The following KCNMB2 variants were observed in gnomAD, a reference collection of about 807,000 sequenced individuals.
KCNMB2 encodes the protein calcium-activated potassium channel subunit beta-2.
In KCNMB2, 9 loss-of-function variants were observed where a neutral mutation model predicts 24.5. The ratio of observed to expected loss-of-function variants is 0.37; its 90% CI spans 0.22 to 0.64. The LOEUF (loss-of-function observed/expected upper bound fraction) is 0.64. Ranked by LOEUF, KCNMB2 falls within the 30% of genes least tolerant of loss-of-function variation. The probability of loss-of-function intolerance (pLI) is 0.63; values close to 1 mark genes in which losing one functional copy is unlikely to be tolerated. For missense variants in KCNMB2, 226 were observed against 284.3 expected, an observed-to-expected ratio of 0.79 and a Z score of 1.47; for synonymous variants, 109 against 104.4, an observed-to-expected ratio of 1.04 and a Z score of -0.27.
intron 2 of KCNMB2, among the ~76,000 whole-genome samples, chr3:178,816,538 T>C (rs1160924232): frequency 2.6e-5 from 4 of 152,120 alleles, no homozygotes; most frequent in Non-Finnish European, 2.9e-5. Flanking sequence ...TGTTAATCTT[T>C]TCCTAACTTA....
At chr3:178,568,138 G>A (rs1716593533) in intron 1 of KCNMB2, among the ~76,000 whole-genome samples, 1 of 152,088 alleles carries the variant, frequency 6.6e-6, no homozygotes, top group Non-Finnish European at 1.5e-5. Context: ...CATATGGAAA[G>A]CCTAATTTCC....
rs148923434 is a variant in KCNMB2 at position 178,684,818 on chromosome 3, C to T, written c.-67-122525C>T. On this transcript the variant is annotated intron_variant, in intron 1 of 4. Coordinates refer to ENST00000452583, the MANE Select transcript of KCNMB2 (RefSeq NM_181361.3). ...TGCACTCCAGCCTGTGCAACAAGAG[C>T]GAAACTCCGTCTCAAAAAATAAATA... Among the ~76,000 whole-genome samples, 155 of 152,130 alleles carry T rather than the reference C, an allele frequency of 1.0e-3. 2 individuals carry two copies. Among genetic ancestry groups the T allele is most frequent in the African/African-American group, 3.4e-3 (141 of 41,528 alleles).
Position 178,842,874 on chromosome 3 carries a change from C to T in KCNMB2, c.645C>T (p.Ala215=). Reference sequence around the variant, plus strand: ...TGGCTGGGGGTGTGGCAATTGTTGCCATGGTGAAACTTACACAGTACCTCT... The same window carrying T: ...TGGCTGGGGGTGTGGCAATTGTTGCTATGGTGAAACTTACACAGTACCTCT... ...CMMAGGVAIV[A]MVKLTQYLSL... Residue 215 remains alanine (A), a synonymous_variant, in exon 5 of 5, where the codon GCC becomes GCT. Transcript: ENST00000452583. 1 of 1,613,976 alleles carries T rather than the reference C, an allele frequency of 6.2e-7. No homozygotes were observed. Among genetic ancestry groups the T allele is most frequent in the African/African-American group, 1.3e-5 (1 of 75,032 alleles).
chr3:178,630,833 T>C (rs1214611158), intron 1 of KCNMB2, among the ~76,000 whole-genome samples: 4 of 152,224 alleles, frequency 2.6e-5, no homozygotes, highest in African/African-American at 9.6e-5. Context: ...ACTAGTGGAC[T>C]CTTAAGAACT....
intron 1 of KCNMB2, among the ~76,000 whole-genome samples, chr3:178,718,417 C>T (rs1284554830): frequency 6.6e-6 from 1 of 152,156 alleles, no homozygotes; most frequent in Non-Finnish European, 1.5e-5. Context: ...AGCTAATCTT[C>T]CTCTCAAGGA....
chr3:178,549,403 T>C (rs1173299037), intron 1 of KCNMB2, among the ~76,000 whole-genome samples: 3 of 149,110 alleles, frequency 2.0e-5, no homozygotes, highest in Non-Finnish European at 3.0e-5. Flanking sequence ...CTCTGCCTCC[T>C]GGGTTCAAGC....
At chr3:178,596,476 A>G (rs1269320159) in intron 1 of KCNMB2, among the ~76,000 whole-genome samples, 1 of 152,104 alleles carries the variant, frequency 6.6e-6, no homozygotes, top group African/African-American at 2.4e-5. Flanking sequence ...GAACTCAATG[A>G]ACATATAAAT....
intron 1 of KCNMB2, among the ~76,000 whole-genome samples, chr3:178,745,037 G>T (rs1723618875): frequency 6.6e-6 from 1 of 152,164 alleles, no homozygotes; most frequent in African/African-American, 2.4e-5. Context: ...CTTCCACAAA[G>T]TGGAGATATT....
At chr3:178,783,101 T>C (rs958544996) in intron 1 of KCNMB2, among the ~76,000 whole-genome samples, 185 of 151,544 alleles carry the variant, frequency 1.2e-3, no homozygotes, top group Admixed American at 2.5e-3. Flanking sequence ...CAGATAGTTG[T>C]AGATATACGG....
rs1560150636 is a variant in KCNMB2 at position 178,655,112 on chromosome 3, CTCT to C, written c.-68+118402_-68+118404del. Among the ~76,000 whole-genome samples the C allele has an allele frequency of 1.8e-3, 271 of 148,354 alleles. 2 individuals carry two copies. Among genetic ancestry groups the C allele is most frequent in the African/African-American group, 6.7e-3 (261 of 38,880 alleles). ...TAGCTCTCCCTCTCTCTCTCTCTCT[CTCT>C]CTCTCTCTCTCTCTCTCTCTCTCTC... On this transcript the variant is annotated intron_variant, in intron 1 of 4. Coordinates refer to ENST00000452583, the MANE Select transcript of KCNMB2 (RefSeq NM_181361.3).
At chr3:178,657,425 T>A (rs778895680) in intron 1 of KCNMB2, among the ~76,000 whole-genome samples, 6 of 152,232 alleles carry the variant, frequency 3.9e-5, no homozygotes, top group Non-Finnish European at 8.8e-5. Context: ...TCTAAACCTA[T>A]GTGACCTTGT....
Position 178,843,575 on chromosome 3 carries a change from T to C in KCNMB2, c.*638T>C. 1 of 172,556 alleles carries C rather than the reference T, an allele frequency of 5.8e-6. No homozygotes were observed. Among genetic ancestry groups the C allele is most frequent in the South Asian group, 1.2e-4 (1 of 8,244 alleles). The allele number at this position is 172,556 out of a possible 1,614,324, so 10.7% of individuals were successfully genotyped here. ...TTCATTAGCCAGTTCTATAATATCT[T>C]CCTGTGATTTATGTAGAAAATGAAC... On this transcript the variant is annotated 3_prime_UTR_variant, in exon 5 of 5. Transcript: ENST00000452583.
intron 1 of KCNMB2, among the ~76,000 whole-genome samples, chr3:178,597,768 G>A (rs973645368): frequency 6.6e-6 from 1 of 152,022 alleles, no homozygotes; most frequent in African/African-American, 2.4e-5. Context: ...ACTACCGTGG[G>A]TTGTGTTTGG....
At chr3:178,803,485 C>T (rs550555174) in intron 1 of KCNMB2, among the ~76,000 whole-genome samples, 1 of 152,218 alleles carries the variant, frequency 6.6e-6, no homozygotes, top group South Asian at 2.1e-4. Flanking sequence ...TGCATGAGGC[C>T]AAAGTCATAC....
chr3:178,595,442 C>G (rs1161911441), intron 1 of KCNMB2, among the ~76,000 whole-genome samples: 1 of 152,056 alleles, frequency 6.6e-6, no homozygotes, highest in African/African-American at 2.4e-5. Flanking sequence ...TATGGTTTGG[C>G]TGTGTCTCCA....
intron 1 of KCNMB2, among the ~76,000 whole-genome samples, chr3:178,667,501 C>G (rs913161705): frequency 6.6e-6 from 1 of 152,116 alleles, no homozygotes; most frequent in African/African-American, 2.4e-5. Flanking sequence ...TGATCTTAGA[C>G]TTCCCAGCCT....
At chr3:178,791,803 C>T (rs1446456432) in intron 1 of KCNMB2, among the ~76,000 whole-genome samples, 1 of 150,954 alleles carries the variant, frequency 6.6e-6, no homozygotes, top group Non-Finnish European at 1.5e-5. Context: ...TCAGTGGAAA[C>T]CTTTCAGGCC....
intron 1 of KCNMB2, among the ~76,000 whole-genome samples, chr3:178,614,260 T>C (rs1433731083): frequency 2.8e-5 from 1 of 36,250 alleles, no homozygotes; most frequent in African/African-American, 8.5e-5. Context: ...TATATATATA[T>C]ATATATATAT....
At chr3:178,617,816 A>G (rs1195335895) in intron 1 of KCNMB2, among the ~76,000 whole-genome samples, 3 of 149,344 alleles carry the variant, frequency 2.0e-5, no homozygotes, top group Admixed American at 6.7e-5. Flanking sequence ...GCTTAAACCC[A>G]GGAGGCAGAG....
Sources: allele counts gnomAD v4.1 joint callset (sites outside exome capture counted in the v4.1 genomes callset), GRCh38; gene constraint gnomAD v4.1.1; transcripts MANE v1.5; gene names NCBI Gene and HGNC (gene_info 2026-07-23, HGNC 2026-07-21).